The following GOLGA3 variants were observed in gnomAD, a reference collection of about 807,000 sequenced individuals.
The protein encoded by GOLGA3 is golgin subfamily A member 3.
A neutral mutation model predicts 169.4 loss-of-function variants in GOLGA3; 75 were observed. That is an observed-to-expected ratio of 0.44 (90% confidence interval 0.37 to 0.54). GOLGA3 has a LOEUF of 0.54. Ranked by LOEUF, GOLGA3 falls within the 20% of genes least tolerant of loss-of-function variation. The pLI is 0.00. For missense variants in GOLGA3, 1,899 were observed against 1,930.0 expected (o/e 0.98, Z 0.30); for synonymous variants, 824 against 822.4 (o/e 1.00, Z -0.03).
intron 23 of GOLGA3, 41 bp from the exon 24 acceptor site, chr12:132,773,335 G>A (rs900278523): frequency 1.6e-6 from 2 of 1,280,554 alleles, no homozygotes; most frequent in African/African-American, 3.1e-5. Context: ...GATCACACAA[G>A]TGCCAGGCAG....
In GOLGA3 at chr12:132,795,289, C is replaced by T. The variant is rs558974988; in HGVS notation, c.2469+563G>A. ...GGCAGATCACTTGGGTTTAGGAGTT[C>T]GAGACTAGCCTGGCCAACATGGCAA... On this transcript the variant is annotated intron_variant, in intron 11 of 23. Transcript: ENST00000450791. Among the ~76,000 whole-genome samples, 10 of 151,838 alleles carry T rather than the reference C, an allele frequency of 6.6e-5. No homozygotes were observed. The South Asian group carries it at 1.9e-3, about 28-fold the overall frequency.
chr12:132,802,463 C>CA (rs35207247), intron 7 of GOLGA3, among the ~76,000 whole-genome samples: 40 of 144,970 alleles, frequency 2.8e-4, no homozygotes, highest in African/African-American at 5.8e-4. Flanking sequence ...CCCCCACCAC[C>CA]AAAAAAAAAA....
chr12:132,797,793 C>T (rs1038004524), intron 9 of GOLGA3, among the ~76,000 whole-genome samples: 5 of 152,174 alleles, frequency 3.3e-5, no homozygotes, highest in African/African-American at 1.2e-4. Context: ...ATCAAGGCTG[C>T]TGCATTTCTG....
chr12:132,813,828 C>A (rs1949830570), intron 3 of GOLGA3, among the ~76,000 whole-genome samples: 1 of 149,836 alleles, frequency 6.7e-6, no homozygotes, highest in African/African-American at 2.5e-5. Flanking sequence ...AGGTTCACAC[C>A]ATTCTCCTGC....
chr12:132,815,357 T>C (rs1033425825), intron 3 of GOLGA3, among the ~76,000 whole-genome samples: 11 of 152,194 alleles, frequency 7.2e-5, no homozygotes, highest in South Asian at 4.1e-4. Context: ...GGTGTGCACG[T>C]AGACCCAGCG....
rs958353274 is a variant in GOLGA3 at position 132,773,162 on chromosome 12, G to A, written c.4440C>T (p.Arg1480=). The change falls in exon 24 of 24, where the codon CGC becomes CGT. Residue 1480 remains arginine (R), a synonymous_variant. Transcript: ENST00000450791. ...TCTGACTGTGTCTCTGTGGGTCGCC[G>A]CGTGGGCCGGCGTGACCCCCCGGGG... The part of the protein sequence containing the change: ...PVPPGGHAGP[R]GDPQRHSQSR... 18 of 1,582,348 alleles carry A rather than the reference G, an allele frequency of 1.1e-5. No homozygotes were observed. Among genetic ancestry groups the A allele is most frequent in the South Asian group, 2.3e-5 (2 of 87,228 alleles).
At position 132,780,807 on chromosome 12, in the gene GOLGA3, G is replaced by A; in HGVS notation, c.3573C>T (p.Leu1191=). 6.2e-7 allele frequency: 1 copy of A among 1,606,046 alleles called. No homozygotes were observed. The highest frequency in any genetic ancestry group is 8.5e-7 in the Non-Finnish European group (1 of 1,175,212). ...GGAAGGTGGCACGCACCTGCTCCTT[G>A]AGGCTGTTCACCTTCTCCTTCTCCT... The part of the protein sequence containing the change: ...LEKEKEKVNS[L]KEQVAAAKVE... The change falls in exon 18 of 24, where the codon CTC becomes CTT. Residue 1191 remains leucine (L), a synonymous_variant. Coordinates refer to ENST00000450791, the MANE Select transcript of GOLGA3 (RefSeq NM_001389683.1).
chr12:132,791,227 G>T lies in GOLGA3; in HGVS notation c.2536C>A (p.Leu846Ile). 1 of 1,593,614 alleles carries T rather than the reference G, an allele frequency of 6.3e-7. No individual in the cohort carries two copies. The highest frequency in any genetic ancestry group is 1.7e-5 in the Admixed American group (1 of 59,868). The change falls in exon 12 of 24, where the codon CTC (leucine) becomes ATC (isoleucine). Residue 846 changes from leucine (L) to isoleucine (I), a missense_variant. Coordinates refer to ENST00000450791, the MANE Select transcript of GOLGA3 (RefSeq NM_001389683.1). Reference protein sequence around the residue: ...KQMQKIKEQFLQQKVMVEAYR... With the variant: ...KQMQKIKEQFIQQKVMVEAYR... ...CAACAGATTTTTACCTTTTGTTGGA[G>T]AAACTGTTCCTTTATTTTTTGCATT...
At chr12:132,784,735 CCACACG>C (rs2045803460) in intron 15 of GOLGA3, among the ~76,000 whole-genome samples, 1 of 149,530 alleles carries the variant, frequency 6.7e-6, no homozygotes, top group Non-Finnish European at 1.5e-5. Context: ...TGCTCACACC[CCACACG>C]CACATGCTCA....
chr12:132,783,308 C>G (rs1303177408), intron 16 of GOLGA3, among the ~76,000 whole-genome samples: 1 of 151,984 alleles, frequency 6.6e-6, no homozygotes, highest in African/African-American at 2.4e-5. Context: ...TCCCCAGGCC[C>G]CTCTCATTCC....
rs1396307412 is a variant in GOLGA3, at chr12:132,822,069, G to A, written c.60C>T (p.Pro20=). ...TCAGTGGGGCCTCGGGGAGAGACGAGGGGCCACTGTGGGATCTGTCCTCCT... is the reference window on the plus strand; with the variant it reads ...TCAGTGGGGCCTCGGGGAGAGACGAAGGGCCACTGTGGGATCTGTCCTCCT... The part of the protein sequence containing the change: ...GLQEDRSHSG[P]SSLPEAPLKP... The change falls in exon 2 of 24, where the codon CCC becomes CCT. Residue 20 remains proline, a synonymous_variant. Transcript: ENST00000450791. 3.7e-6 allele frequency: 6 copies of A among 1,606,970 alleles called. No homozygotes were observed. Among genetic ancestry groups the A allele is most frequent in the Non-Finnish European group, 5.1e-6 (6 of 1,177,476 alleles).
At position 132,824,719 on chromosome 12, in the gene GOLGA3, G is replaced by C. The variant is rs1950341810; in HGVS notation, c.-183-2408C>G. Among the ~76,000 whole-genome samples, 3 of 152,284 alleles carry C rather than the reference G, an allele frequency of 2.0e-5. No individual in the cohort carries two copies. In the South Asian group the frequency reaches 6.2e-4, roughly 32 times the overall value. ...TCATCTAGTAACATCTCTCATCCCT[G>C]GATTTTCCGGGTGGGTGGGTGATAA... On this transcript the variant is annotated intron_variant, in intron 1 of 23. Transcript: ENST00000450791.
At chr12:132,820,298 C>T (rs900938555) in intron 2 of GOLGA3, among the ~76,000 whole-genome samples, 1 of 152,144 alleles carries the variant, frequency 6.6e-6, no homozygotes, top group Non-Finnish European at 1.5e-5. Context: ...ATGATTACAC[C>T]ACTGCACTTC....
chr12:132,816,580 C>T lies in GOLGA3; in HGVS notation c.366G>A (p.Gln122=), dbSNP rs745719527. The change falls in exon 3 of 24, where the codon CAG becomes CAA. Residue 122 remains glutamine (Q), a synonymous_variant. Coordinates refer to ENST00000450791, the MANE Select transcript of GOLGA3 (RefSeq NM_001389683.1). ...GCATAGGAAGACTGAGTCTGAGAGACTGCAAAGCTTCTTTTCTAACACTGC... is the reference window on the plus strand; with the variant it reads ...GCATAGGAAGACTGAGTCTGAGAGATTGCAAAGCTTCTTTTCTAACACTGC... ...AEGSVRKEAL[Q]SLRLSLPMQE... 10 of 1,614,068 alleles carry T rather than the reference C, an allele frequency of 6.2e-6. No individual in the cohort carries two copies. Among genetic ancestry groups the T allele is most frequent in the Middle Eastern group, 1.7e-4 (1 of 6,060 alleles).
rs548066889 is a variant in GOLGA3 at position 132,797,740 on chromosome 12, G to A, written c.1938+600C>T. Among the ~76,000 whole-genome samples, 3 of 152,176 alleles carry A rather than the reference G, an allele frequency of 2.0e-5. No individual in the cohort carries two copies. In the East Asian group the frequency reaches 5.8e-4, roughly 29 times the overall value. ...AAAAAAAAAAGATGCGGCTCAGAGA[G>A]GTAAGAAATTGTCCAGCGCCCCACA... On this transcript the variant is annotated intron_variant, in intron 9 of 23. Coordinates refer to ENST00000450791, the MANE Select transcript of GOLGA3 (RefSeq NM_001389683.1).
intron 9 of GOLGA3, 44 bp from the exon 10 acceptor site, chr12:132,796,744 T>G (rs375882199): frequency 8.8e-6 from 14 of 1,591,230 alleles, no homozygotes; most frequent in Non-Finnish European, 1.2e-5. Flanking sequence ...GAAACCTTAA[T>G]AGTGAACAGC....
At chr12:132,796,410 G>A (rs1372124659) in intron 10 of GOLGA3, 129 bp downstream of exon 10, 46 of 1,228,444 alleles carry the variant, frequency 3.7e-5, no homozygotes, top group Non-Finnish European at 4.8e-5. Flanking sequence ...GCGTCTGACC[G>A]ACAGCCCAAC....
At chr12:132,819,861 G>C (rs1478265942) in intron 2 of GOLGA3, among the ~76,000 whole-genome samples, 1 of 152,158 alleles carries the variant, frequency 6.6e-6, no homozygotes, top group Non-Finnish European at 1.5e-5. Flanking sequence ...GCAACAGCAA[G>C]ACTGTTTATA....
chr12:132,811,482 AT>A (rs966728698), intron 4 of GOLGA3, among the ~76,000 whole-genome samples: 7 of 149,508 alleles, frequency 4.7e-5, no homozygotes, highest in Non-Finnish European at 4.5e-5. Flanking sequence ...TTGCATTTTT[AT>A]TTTTTTTTTG....
Sources: allele counts gnomAD v4.1 joint callset (sites outside exome capture counted in the v4.1 genomes callset), GRCh38; gene constraint gnomAD v4.1.1; transcripts MANE v1.5; gene names NCBI Gene and HGNC (gene_info 2026-07-23, HGNC 2026-07-21).